OAS2: variants seen among roughly 807,000 people sequenced by gnomAD.
OAS2 encodes the protein 2'-5'-oligoadenylate synthase 2.
Under a neutral mutation model 71.3 loss-of-function variants are expected in OAS2, and 67 were observed. The observed-to-expected ratio is 0.94, with a 90% CI of 0.77 to 1.15. The LOEUF (loss-of-function observed/expected upper bound fraction) is 1.15. Among genes scored for constraint, OAS2 ranks in the 50% most tolerant of loss-of-function variants. The pLI is 0.00. For synonymous variants in OAS2, 327 were observed against 321.8 expected, an observed-to-expected ratio of 1.02 and a Z score of -0.17; for missense variants, 789 against 822.5, an observed-to-expected ratio of 0.96 and a Z score of 0.50.
At chr12:112,994,993 T>C (rs1282796541) in intron 2 of OAS2, among the ~76,000 whole-genome samples, 1 of 152,258 alleles carries the variant, frequency 6.6e-6, no homozygotes, top group Non-Finnish European at 1.5e-5. Context: ...TGCTCCCTAC[T>C]AATTTGGATA....
chr12:112,990,897 T>G (rs1403523534), intron 2 of OAS2, among the ~76,000 whole-genome samples: 2 of 152,118 alleles, frequency 1.3e-5, no homozygotes, highest in African/African-American at 2.4e-5. Context: ...CTGAGCTAGT[T>G]TTTCAGGTTT....
intron 4 of OAS2, 65 bp from the exon 5 acceptor site, chr12:112,998,201 C>G: frequency 6.4e-7 from 1 of 1,571,172 alleles, no homozygotes; most frequent in Non-Finnish European, 8.6e-7. Context: ...GCCTCTTTCC[C>G]CAAAACAGAT....
chr12:113,003,149 G>A, intron 6 of OAS2, 47 bp downstream of exon 6: 1 of 1,588,764 alleles, frequency 6.3e-7, no homozygotes, highest in African/African-American at 1.3e-5. Flanking sequence ...TGTAATATTG[G>A]GCATTCCTGG....
At chr12:112,997,261 A>G (rs1329448860) in intron 3 of OAS2, among the ~76,000 whole-genome samples, 1 of 152,044 alleles carries the variant, frequency 6.6e-6, no homozygotes, top group Non-Finnish European at 1.5e-5. Flanking sequence ...TTTCCCTCGA[A>G]AGAACTCCAG....
intron 1 of OAS2, among the ~76,000 whole-genome samples, chr12:112,981,521 G>A (rs902686752): frequency 1.3e-5 from 2 of 152,068 alleles, no homozygotes; most frequent in African/African-American, 4.8e-5. Context: ...TCAGTTGGCT[G>A]TAAATTTGTG....
chr12:112,995,263 A>C, intron 2 of OAS2, 33 bp from the exon 3 acceptor site: 1 of 1,584,578 alleles, frequency 6.3e-7, no homozygotes, highest in Non-Finnish European at 8.6e-7. Context: ...AGGTTACATA[A>C]ATAACAACGT....
At chr12:112,984,230 A>AATATAC (rs1460117703) in intron 1 of OAS2, among the ~76,000 whole-genome samples, 1 of 152,222 alleles carries the variant, frequency 6.6e-6, no homozygotes, top group African/African-American at 2.4e-5. Flanking sequence ...TATGTGTATA[A>AATATAC]ATATACATAT....
At chr12:112,979,022 T>A (rs1285617628) in intron 1 of OAS2, among the ~76,000 whole-genome samples, 1 of 152,156 alleles carries the variant, frequency 6.6e-6, no homozygotes, top group Non-Finnish European at 1.5e-5. Flanking sequence ...AGAGGCATAA[T>A]ACCCACTTCA....
Position 113,004,956 on chromosome 12 carries a change from C to G in OAS2, c.1202C>G (p.Thr401Arg), listed in dbSNP as rs2044317564. ...TAGGGAGGATCAACCGCCAAAGGCACAGCTCTGAAGACTGGCTCTGATGCC... is the reference window on the plus strand; with the variant it reads ...TAGGGAGGATCAACCGCCAAAGGCAGAGCTCTGAAGACTGGCTCTGATGCC... ...IVRGGSTAKG[T>R]ALKTGSDADL... The change falls in exon 7 of 10, where the codon ACA (threonine) becomes AGA (arginine). Residue 401 changes from threonine (T) to arginine (R), a missense_variant. Transcript: ENST00000392583. 2 of 1,614,104 alleles carry G rather than the reference C, an allele frequency of 1.2e-6. No homozygotes were observed. Among genetic ancestry groups the G allele is most frequent in the Non-Finnish European group, 1.7e-6 (2 of 1,179,990 alleles).
chr12:112,987,112 A>G lies in OAS2; in HGVS notation c.252A>G (p.Leu84=). 7 of 1,614,168 alleles carry G rather than the reference A, an allele frequency of 4.3e-6. No individual in the cohort carries two copies. The highest frequency in any genetic ancestry group is 5.9e-6 in the Non-Finnish European group (7 of 1,179,994). The change falls in exon 2 of 10, where the codon TTA becomes TTG. Residue 84 remains leucine (L), a synonymous_variant. Transcript: ENST00000392583. ...DGTLVLFFSD[L]KQFQDQKRSQ... Reference sequence around the variant, plus strand: ...CCCTTGTCCTCTTCTTCAGTGACTTAAAACAATTCCAGGATCAGAAGAGAA... The same window carrying G: ...CCCTTGTCCTCTTCTTCAGTGACTTGAAACAATTCCAGGATCAGAAGAGAA...
chr12:112,987,747 T>C, intron 2 of OAS2: 12 of 1,005,238 alleles, frequency 1.2e-5, no homozygotes, highest in Non-Finnish European at 1.3e-5. Flanking sequence ...GGCAGACATC[T>C]GGGAAAAGTC....
intron 2 of OAS2, among the ~76,000 whole-genome samples, chr12:112,993,693 A>T (rs970887996): frequency 1.3e-5 from 2 of 152,148 alleles, no homozygotes; most frequent in Admixed American, 6.5e-5. Context: ...CAGCCTGGGC[A>T]ACAGGCTTTT....
At chr12:113,002,817 C>T (rs1418516768) in intron 5 of OAS2, 115 bp from the exon 6 acceptor site, 14 of 844,140 alleles carry the variant, frequency 1.7e-5, no homozygotes, top group African/African-American at 6.8e-5. Context: ...TGCCAGCCCA[C>T]GAGCAGGAGG....
chr12:113,003,521 CT>C (rs1310536078), intron 6 of OAS2, among the ~76,000 whole-genome samples: 1 of 152,132 alleles, frequency 6.6e-6, no homozygotes, highest in African/African-American at 2.4e-5. Context: ...TGCGAAGACC[CT>C]TTTTCCAAAT....
chr12:113,010,433 C>T lies in OAS2; in HGVS notation c.*1178C>T. The T allele has an allele frequency of 6.2e-7, 1 of 1,613,986 alleles. No individual in the cohort carries two copies. Among genetic ancestry groups the T allele is most frequent in the African/African-American group, 1.3e-5 (1 of 75,054 alleles). On this transcript the variant is annotated 3_prime_UTR_variant, in exon 10 of 10. Coordinates refer to ENST00000392583, the MANE Select transcript of OAS2 (RefSeq NM_002535.3). Reference sequence around the variant, plus strand: ...TCCATCCTATTGTCAATGAGATGTTCTCATCCAGAAGCCATAGAATCCTGA... The same window carrying T: ...TCCATCCTATTGTCAATGAGATGTTTTCATCCAGAAGCCATAGAATCCTGA...
intron 2 of OAS2, among the ~76,000 whole-genome samples, chr12:112,993,258 C>A (rs147504104): frequency 6.6e-6 from 1 of 152,160 alleles, no homozygotes. Context: ...CTACAACTCT[C>A]CCCCTAGGGC....
chr12:112,991,042 C>T (rs1249800727), intron 2 of OAS2, among the ~76,000 whole-genome samples: 3 of 152,190 alleles, frequency 2.0e-5, no homozygotes, highest in African/African-American at 7.2e-5. Context: ...GCAGCCCCTA[C>T]TTACTTACCT....
chr12:113,011,682 A>G lies in OAS2; in HGVS notation c.*2427A>G, dbSNP rs1002849028. Reference sequence around the variant, plus strand: ...CTACATACTCTTTGTCTGGCTCTTCATTTGTATTCTTTATAATAAAATGGT... The same window carrying G: ...CTACATACTCTTTGTCTGGCTCTTCGTTTGTATTCTTTATAATAAAATGGT... On this transcript the variant is annotated 3_prime_UTR_variant, in exon 10 of 10. Coordinates refer to ENST00000392583, the MANE Select transcript of OAS2 (RefSeq NM_002535.3). 3 of 152,168 alleles carry G rather than the reference A, an allele frequency of 2.0e-5. No homozygotes were observed. The highest frequency in any genetic ancestry group is 7.2e-5 in the African/African-American group (3 of 41,426). 9.4% of individuals were successfully genotyped at this position (152,168 alleles called of 1,614,324 possible). A position where few individuals can be genotyped will look rare whatever the true frequency, so the allele number is the denominator to read the frequency against.
chr12:113,004,281 C>A (rs2044312053), intron 6 of OAS2, among the ~76,000 whole-genome samples: 1 of 152,180 alleles, frequency 6.6e-6, no homozygotes, highest in Non-Finnish European at 1.5e-5. Context: ...ATAGAACATA[C>A]CCTTTCCTCA....
Sources: allele counts gnomAD v4.1 joint callset (sites outside exome capture counted in the v4.1 genomes callset), GRCh38; gene constraint gnomAD v4.1.1; transcripts MANE v1.5; gene names NCBI Gene and HGNC (gene_info 2026-07-23, HGNC 2026-07-21).